CASK: variants seen among roughly 807,000 people sequenced by gnomAD.
CASK encodes calcium/calmodulin dependent serine protein kinase.
A neutral mutation model predicts 82.9 loss-of-function variants in CASK; 4 were observed. That is an observed-to-expected ratio of 0.05 (90% CI 0.02 to 0.11). The LOEUF (loss-of-function observed/expected upper bound fraction) is 0.11. CASK is among the 10% of genes least tolerant of loss of function. The probability of loss-of-function intolerance (pLI) is 1.00; values close to 1 mark genes in which losing one functional copy is unlikely to be tolerated. For missense variants in CASK, 358 were observed against 720.9 expected (o/e 0.50, Z 5.76); for synonymous variants, 259 against 253.5 (o/e 1.02, Z -0.20).
rs752765464 is a variant in CASK, at chrX:41,622,720, A to T, written c.1016-86T>A. 10 of 768,496 alleles carry T rather than the reference A, an allele frequency of 1.3e-5. No individual in the cohort carries two copies. In the East Asian group the frequency reaches 3.5e-4, roughly 27 times the overall value. The allele number at this position is 768,496 out of a possible 1,213,427, so 63.3% of individuals were successfully genotyped here. A position where few individuals can be genotyped will look rare whatever the true frequency, so the allele number is the denominator to read the frequency against. ...ATCAAGCCACAGTTCGGCCCACTAC[A>T]TGAGCCACCAGAAGCATGGTCCCCC... On this transcript the variant is annotated intron_variant, in intron 10 of 26. Transcript: ENST00000378163.
intron 25 of CASK, among the ~76,000 whole-genome samples, chrX:41,528,766 C>T (rs2064751576): frequency 8.9e-6 from 1 of 111,776 alleles, no homozygotes. Context: ...AGAGAGCCTC[C>T]CTGGAGCAGT....
intron 2 of CASK, among the ~76,000 whole-genome samples, chrX:41,811,411 A>C (rs946532743): frequency 4.4e-5 from 5 of 112,825 alleles, no homozygotes; most frequent in African/African-American, 1.3e-4. Context: ...GTGCAATCAA[A>C]CTAGAATTCA....
intron 12 of CASK, among the ~76,000 whole-genome samples, chrX:41,596,298 C>A (rs759659898): frequency 9.0e-6 from 1 of 111,358 alleles, no homozygotes; most frequent in African/African-American, 3.3e-5. Context: ...AGCCACTAAA[C>A]CCTGTTGTGT....
At chrX:41,582,363 T>C (rs2065592774) in intron 14 of CASK, among the ~76,000 whole-genome samples, 2 of 111,945 alleles carry the variant, frequency 1.8e-5, no homozygotes, top group Admixed American at 1.9e-4. Flanking sequence ...TCTCCCAGGC[T>C]GGAGTGCAGT....
chrX:41,681,684 C>G lies in CASK; in HGVS notation c.430-10154G>C, dbSNP rs73193120. Among the ~76,000 whole-genome samples the G allele has an allele frequency of 7.9e-3, 876 of 111,497 alleles. 5 individuals are homozygous for G. The highest frequency in any genetic ancestry group is 0.012 in the Non-Finnish European group (632 of 53,095). On this transcript the variant is annotated intron_variant, in intron 5 of 26. Coordinates refer to ENST00000378163, the MANE Select transcript of CASK (RefSeq NM_001367721.1). Reference sequence around the variant, plus strand: ...GTGCTCCTAAGAAACAGAGGAAAGTCATGACATTACAAGAAAAAGGTAGGC... The same window carrying G: ...GTGCTCCTAAGAAACAGAGGAAAGTGATGACATTACAAGAAAAAGGTAGGC...
intron 5 of CASK, among the ~76,000 whole-genome samples, chrX:41,717,564 G>A (rs915125483): frequency 5.3e-5 from 6 of 112,257 alleles, no homozygotes; most frequent in Admixed American, 4.7e-4. Flanking sequence ...CTTGAAAGAG[G>A]CTTAGAGCAA....
At chrX:41,800,898 T>C (rs775484657) in intron 2 of CASK, among the ~76,000 whole-genome samples, 1 of 111,881 alleles carries the variant, frequency 8.9e-6, no homozygotes, top group South Asian at 3.8e-4. Context: ...CAGCTATCGA[T>C]TGGTTAAGTT....
chrX:41,856,127 T>C (rs766365310), intron 1 of CASK, among the ~76,000 whole-genome samples: 1 of 112,028 alleles, frequency 8.9e-6, no homozygotes, highest in Admixed American at 9.4e-5. Flanking sequence ...AAGGTAAATA[T>C]ACCAAAATAA....
chrX:41,580,430 C>T (rs1011266208), intron 14 of CASK, among the ~76,000 whole-genome samples: 1 of 111,164 alleles, frequency 9.0e-6, no homozygotes, highest in Non-Finnish European at 1.9e-5. Context: ...ATTCACTCAC[C>T]CCGGCCTCCC....
At chrX:41,804,138 A>G (rs1458354307) in intron 2 of CASK, among the ~76,000 whole-genome samples, 1 of 111,465 alleles carries the variant, frequency 9.0e-6, no homozygotes, top group Non-Finnish European at 1.9e-5. Flanking sequence ...ATTTGAGGTC[A>G]GGAGTACGAG....
At chrX:41,863,221 CAGTT>C (rs1391778258) in intron 1 of CASK, among the ~76,000 whole-genome samples, 2 of 112,201 alleles carry the variant, frequency 1.8e-5, no homozygotes. Context: ...TGTGGTCAAA[CAGTT>C]AGTGGATGTT....
chrX:41,709,879 G>A (rs1277858898), intron 5 of CASK, among the ~76,000 whole-genome samples: 1 of 110,775 alleles, frequency 9.0e-6, no homozygotes, highest in Non-Finnish European at 1.9e-5. Context: ...TTAAGGACAG[G>A]AAGTTACATG....
chrX:41,715,259 A>G (rs1279332729), intron 5 of CASK, among the ~76,000 whole-genome samples: 1 of 112,190 alleles, frequency 8.9e-6, no homozygotes, highest in East Asian at 2.8e-4. Flanking sequence ...GGATGCCCAT[A>G]TGGAGAATGG....
intron 3 of CASK, among the ~76,000 whole-genome samples, chrX:41,760,763 T>C (rs746415534): frequency 1.8e-5 from 2 of 111,700 alleles, no homozygotes; most frequent in South Asian, 7.5e-4. Context: ...CCCCAAATTT[T>C]TTAACTTCAT....
At chrX:41,874,339 G>A (rs927385065) in intron 1 of CASK, among the ~76,000 whole-genome samples, 3 of 111,065 alleles carry the variant, frequency 2.7e-5, no homozygotes, top group African/African-American at 9.8e-5. Flanking sequence ...TCCCTCCCCT[G>A]CTACAGGCCC....
intron 1 of CASK, among the ~76,000 whole-genome samples, chrX:41,886,585 A>T (rs1458037170): frequency 8.9e-6 from 1 of 112,130 alleles, no homozygotes; most frequent in Non-Finnish European, 1.9e-5. Flanking sequence ...CAGGTGCTAT[A>T]AATTAATGTG....
chrX:41,922,699 A>ACGGGGTGGCCAACCTCGG (rs1569483686), intron 1 of CASK, among the ~76,000 whole-genome samples: 1 of 111,662 alleles, frequency 9.0e-6, no homozygotes, highest in Non-Finnish European at 1.9e-5. Flanking sequence ...CCCACGCCTT[A>ACGGGGTGGCCAACCTCGG]CGGGGTGGCC....
intron 3 of CASK, among the ~76,000 whole-genome samples, chrX:41,747,736 C>T (rs758209535): frequency 2.7e-5 from 3 of 112,534 alleles, no homozygotes; most frequent in Non-Finnish European, 5.6e-5. Context: ...CCACTGCGCC[C>T]GGCCTACAAT....
chrX:41,751,077 ATTAT>A (rs916065978), intron 3 of CASK, among the ~76,000 whole-genome samples: 3 of 111,776 alleles, frequency 2.7e-5, no homozygotes, highest in Admixed American at 1.9e-4. Context: ...AATGTTTAAA[ATTAT>A]TTATTTATTT....
Sources: allele counts gnomAD v4.1 joint callset (sites outside exome capture counted in the v4.1 genomes callset), GRCh38; gene constraint gnomAD v4.1.1; transcripts MANE v1.5; gene names NCBI Gene and HGNC (gene_info 2026-07-23, HGNC 2026-07-21).